The following MYT1L variants were observed in gnomAD, a reference collection of about 807,000 sequenced individuals.
The protein encoded by MYT1L is myelin transcription factor 1 like.
A neutral mutation model predicts 126.7 loss-of-function variants in MYT1L; 12 were observed. The ratio of observed to expected loss-of-function variants is 0.09; its 90% CI spans 0.06 to 0.15. MYT1L has a LOEUF of 0.15. MYT1L is among the 10% of genes least tolerant of loss of function. MYT1L has a pLI of 1.00. For missense variants in MYT1L, 979 were observed against 1,585.2 expected, an observed-to-expected ratio of 0.62 and a Z score of 6.49; for synonymous variants, 541 against 604.2, an observed-to-expected ratio of 0.90 and a Z score of 1.53.
Position 1,917,085 on chromosome 2 carries a change from G to T in MYT1L, c.1618+120C>A. The T allele has an allele frequency of 1.6e-6, 2 of 1,261,118 alleles. No homozygotes were observed. Among genetic ancestry groups the T allele is most frequent in the Non-Finnish European group, 2.2e-6 (2 of 918,484 alleles). 78.1% of individuals were successfully genotyped at this position (1,261,118 alleles called of 1,614,324 possible). On this transcript the variant is annotated intron_variant, in intron 11 of 24. Coordinates refer to ENST00000647738, the MANE Select transcript of MYT1L (RefSeq NM_001303052.2). This position sits in a 1 kb window ranked among gnomAD's most constrained non-coding sequence, Gnocchi z 5.9. ...CAGTTGCCCATCAAGTTAAGTAGGG[G>T]CCTAGTTAAATCAGGTCGCACCGAG... is the stretch of plus-strand genomic sequence containing the variant.
intron 2 of MYT1L, among the ~76,000 whole-genome samples, chr2:2,215,753 A>G (rs1343450048): frequency 1.3e-5 from 2 of 152,212 alleles, no homozygotes; most frequent in Non-Finnish European, 2.9e-5. Flanking sequence ...CACAGTGAAC[A>G]TTTACCAAGT....
intron 1 of MYT1L, chr2:2,326,806 C>T (rs1213988050): frequency 1.3e-5 from 2 of 152,154 alleles, no homozygotes; most frequent in African/African-American, 4.8e-5. Flanking sequence ...AAGCCAAAAA[C>T]ACTTCCATTG....
intron 3 of MYT1L, among the ~76,000 whole-genome samples, chr2:2,138,539 T>C (rs2083408529): frequency 2.1e-5 from 3 of 145,210 alleles, no homozygotes; most frequent in South Asian, 4.6e-4. Flanking sequence ...TTCATGTCCT[T>C]TGTAGGGACA....
intron 1 of MYT1L, chr2:2,303,950 G>A (rs1433160460): frequency 2.6e-5 from 4 of 152,226 alleles, no homozygotes; most frequent in Non-Finnish European, 5.9e-5. Context: ...TCCCAGCTGC[G>A]GGTAGTTGTC....
At chr2:2,069,227 C>G (rs535888681) in intron 3 of MYT1L, among the ~76,000 whole-genome samples, 1 of 152,226 alleles carries the variant, frequency 6.6e-6, no homozygotes, top group South Asian at 2.1e-4. Flanking sequence ...CTCCTAGCCC[C>G]CGACACCCTG....
At chr2:2,282,348 C>A (rs1383753858) in intron 2 of MYT1L, among the ~76,000 whole-genome samples, 1 of 152,144 alleles carries the variant, frequency 6.6e-6, no homozygotes, top group Non-Finnish European at 1.5e-5. Flanking sequence ...ACATTTTTAG[C>A]CTTTACAAAA....
chr2:2,278,202 G>A (rs968926468), intron 2 of MYT1L, among the ~76,000 whole-genome samples: 6 of 152,152 alleles, frequency 3.9e-5, no homozygotes, highest in African/African-American at 1.2e-4. Context: ...TATATGTAAC[G>A]TGTGACACAC....
chr2:1,914,261 A>T lies in MYT1L; in HGVS notation c.1619-2151T>A, dbSNP rs575609946. ...AGAGCGAGACTCTGTCTAAAAAAAA[A>T]ACAAAAACGAAAACAAAAACAAAAA... On this transcript the variant is annotated intron_variant, in intron 11 of 24. Coordinates refer to ENST00000647738, the MANE Select transcript of MYT1L (RefSeq NM_001303052.2). 3.5e-4 allele frequency among the ~76,000 whole-genome samples: 54 copies of T among 152,124 alleles called. No homozygotes were observed. The South Asian group carries it at 0.011, about 30-fold the overall frequency.
chr2:2,219,080 C>T (rs1310980003), intron 2 of MYT1L, among the ~76,000 whole-genome samples: 1 of 152,134 alleles, frequency 6.6e-6, no homozygotes, highest in Non-Finnish European at 1.5e-5. Flanking sequence ...AATTTTGAGT[C>T]AAGAGGATGT....
rs1435655432 is a variant in MYT1L, at chr2:2,059,010, T to G, written c.-303-4887A>C. ...GTGGAATATGAATTGAAACCATACC[T>G]AAGTGTGACTGCAGTTTATATAAAC... On this transcript the variant is annotated intron_variant, in intron 3 of 24. Coordinates refer to ENST00000647738, the MANE Select transcript of MYT1L (RefSeq NM_001303052.2). The surrounding 1 kb of genome is among the most constrained non-coding windows in gnomAD (Gnocchi z 4.7). Among the ~76,000 whole-genome samples the G allele has an allele frequency of 6.6e-6, 1 of 152,218 alleles. No homozygotes were observed. Among genetic ancestry groups the G allele is most frequent in the Non-Finnish European group, 1.5e-5 (1 of 68,036 alleles).
At chr2:1,903,927 G>A (rs944617933) in intron 13 of MYT1L, among the ~76,000 whole-genome samples, 15 of 131,778 alleles carry the variant, frequency 1.1e-4, no homozygotes, top group Non-Finnish European at 1.9e-4. Context: ...ACACCATGTC[G>A]TGTGTGTGTG....
chr2:2,005,708 G>A lies in MYT1L; in HGVS notation c.-157-8361C>T, dbSNP rs984832751. Among the ~76,000 whole-genome samples the A allele has an allele frequency of 4.5e-4, 64 of 142,488 alleles. 1 individual carries two copies. The highest frequency in any genetic ancestry group is 2.2e-4 in the East Asian group (1 of 4,520). The allele number at this position is 142,488 out of a possible 152,430, so 93.5% of individuals were successfully genotyped here. On this transcript the variant is annotated intron_variant, in intron 4 of 24. Transcript: ENST00000647738. The stretch of plus-strand genomic sequence containing the variant: ...CCTGCGTGCCTTCTCTCCTGCAGGC[G>A]TTCTTTCCTGCATGCGTTCTTTCCT...
intron 1 of MYT1L, among the ~76,000 whole-genome samples, chr2:2,309,121 A>G (rs1484370797): frequency 6.6e-6 from 1 of 151,146 alleles, no homozygotes. Context: ...TACTCCACCC[A>G]CTTCAATATA....
intron 2 of MYT1L, among the ~76,000 whole-genome samples, chr2:2,260,336 T>C (rs944101852): frequency 2.0e-5 from 3 of 152,196 alleles, no homozygotes; most frequent in African/African-American, 7.2e-5. Flanking sequence ...ACTTCAAAAT[T>C]GTAAAGGCAT....
intron 8 of MYT1L, among the ~76,000 whole-genome samples, chr2:1,965,330 C>G (rs1467225571): frequency 6.7e-6 from 1 of 149,236 alleles, no homozygotes; most frequent in Admixed American, 6.6e-5. Flanking sequence ...GACTCTGTGA[C>G]TTGCAGGGAC....
intron 4 of MYT1L, among the ~76,000 whole-genome samples, chr2:2,039,110 T>C (rs529965840): frequency 6.6e-6 from 1 of 152,324 alleles, no homozygotes; most frequent in South Asian, 2.1e-4. Flanking sequence ...ACCGGGGGAA[T>C]GAACAGAATC....
chr2:1,927,137 C>T (rs1431902246), intron 9 of MYT1L, among the ~76,000 whole-genome samples: 1 of 152,200 alleles, frequency 6.6e-6, no homozygotes, highest in Non-Finnish European at 1.5e-5. Flanking sequence ...ACAGAGTTAC[C>T]GCACTGGCAC....
At chr2:2,197,724 A>G (rs1467029370) in intron 2 of MYT1L, among the ~76,000 whole-genome samples, 1 of 151,116 alleles carries the variant, frequency 6.6e-6, no homozygotes, top group Non-Finnish European at 1.5e-5. Context: ...GTAGAGATGT[A>G]TATAACACAC....
chr2:1,995,297 GA>G (rs566980489), intron 5 of MYT1L, among the ~76,000 whole-genome samples: 1 of 152,180 alleles, frequency 6.6e-6, no homozygotes, highest in Non-Finnish European at 1.5e-5. Flanking sequence ...CGTGTGAGGG[GA>G]CGCTGCTATG....
Sources: gnomAD v4.1 joint callset for allele counts (sites outside exome capture counted in the v4.1 genomes callset) on GRCh38, gnomAD v4.1.1 for gene constraint, Gnocchi (gnomAD v3.1) non-coding constraint, MANE v1.5 for transcripts, NCBI Gene and HGNC (gene_info 2026-07-23, HGNC 2026-07-21) for gene names.